The following PACRG variants were observed in gnomAD, a reference collection of about 807,000 sequenced individuals.
PACRG encodes parkin coregulated gene protein.
A neutral mutation model predicts 29.7 loss-of-function variants in PACRG; 29 were observed. That is an observed-to-expected ratio of 0.98 (90% CI 0.73 to 1.33). The LOEUF (loss-of-function observed/expected upper bound fraction) is 1.33. Among genes scored for constraint, PACRG ranks in the 40% most tolerant of loss-of-function variants. PACRG has a pLI of 0.00. For missense variants in PACRG, 279 were observed against 316.2 expected, an observed-to-expected ratio of 0.88 and a Z score of 0.89; for synonymous variants, 116 against 118.7, an observed-to-expected ratio of 0.98 and a Z score of 0.15.
At chr6:163,170,045 A>G (rs562516102) in intron 4 of PACRG, among the ~76,000 whole-genome samples, 53 of 152,176 alleles carry the variant, frequency 3.5e-4, no homozygotes, top group Admixed American at 2.7e-3. Flanking sequence ...TTTCACCCCA[A>G]TTACCTCAAA....
chr6:163,230,803 G>A (rs535105603), intron 4 of PACRG, among the ~76,000 whole-genome samples: 7 of 64,566 alleles, frequency 1.1e-4, no homozygotes, highest in Non-Finnish European at 2.2e-4. Flanking sequence ...AACCCGGAAG[G>A]TTATCAGAGC....
intron 4 of PACRG, among the ~76,000 whole-genome samples, chr6:163,299,385 T>A (rs1385207142): frequency 6.6e-6 from 1 of 152,148 alleles, no homozygotes; most frequent in East Asian, 1.9e-4. Context: ...CCAAGCCCCA[T>A]AGACGTGTCA....
intron 4 of PACRG, among the ~76,000 whole-genome samples, chr6:163,107,645 A>G (rs1815459033): frequency 6.6e-6 from 1 of 152,168 alleles, no homozygotes; most frequent in African/African-American, 2.4e-5. Flanking sequence ...TCTCTGCTTC[A>G]TGAGTTTCCA....
At chr6:162,916,914 G>T (rs1796735467) in intron 2 of PACRG, among the ~76,000 whole-genome samples, 1 of 152,032 alleles carries the variant, frequency 6.6e-6, no homozygotes. Context: ...TTAATGTGTG[G>T]CACTCCCAGC....
At chr6:163,133,898 A>G (rs1036467009) in intron 4 of PACRG, among the ~76,000 whole-genome samples, 5 of 152,236 alleles carry the variant, frequency 3.3e-5, no homozygotes, top group African/African-American at 1.2e-4. Flanking sequence ...AAACGTAAAC[A>G]TTTAAAACAG....
At chr6:163,191,358 C>A (rs550243679) in intron 4 of PACRG, among the ~76,000 whole-genome samples, 192 of 152,258 alleles carry the variant, frequency 1.3e-3, no homozygotes, top group Non-Finnish European at 2.0e-3. Flanking sequence ...GTGTCAAGTT[C>A]CAGTGTCCTC....
chr6:162,886,182 C>T (rs190653557), intron 2 of PACRG, among the ~76,000 whole-genome samples: 20 of 152,270 alleles, frequency 1.3e-4, no homozygotes, highest in Admixed American at 1.2e-3. Context: ...CTTGGCCTCC[C>T]AAAATGCTGT....
chr6:162,760,974 G>A (rs1038964277), intron 1 of PACRG, among the ~76,000 whole-genome samples: 2 of 152,204 alleles, frequency 1.3e-5, no homozygotes, highest in Non-Finnish European at 2.9e-5. Context: ...TGGTCTAACT[G>A]CCAGCACTTA....
intron 4 of PACRG, among the ~76,000 whole-genome samples, chr6:163,240,170 C>G (rs1172246024): frequency 6.6e-6 from 1 of 152,004 alleles, no homozygotes; most frequent in Non-Finnish European, 1.5e-5. Context: ...TCCCCGGGGC[C>G]GCACCTGTGC....
intron 2 of PACRG, among the ~76,000 whole-genome samples, chr6:162,938,381 C>A (rs1487623040): frequency 6.6e-6 from 1 of 152,172 alleles, no homozygotes; most frequent in African/African-American, 2.4e-5. Flanking sequence ...GTATCTTTTT[C>A]GTATAATGAC....
At chr6:163,037,388 T>A (rs1020390178) in intron 2 of PACRG, among the ~76,000 whole-genome samples, 1 of 152,242 alleles carries the variant, frequency 6.6e-6, no homozygotes, top group Non-Finnish European at 1.5e-5. Flanking sequence ...CACCTGGCCC[T>A]TGGCTGTGGG....
chr6:162,885,962 G>T (rs775257137), intron 2 of PACRG, among the ~76,000 whole-genome samples: 1 of 152,086 alleles, frequency 6.6e-6, no homozygotes, highest in Non-Finnish European at 1.5e-5. Flanking sequence ...TTGTTATTTG[G>T]TGGTCATTCT....
chr6:163,211,893 C>A (rs188029310), intron 4 of PACRG, among the ~76,000 whole-genome samples: 1 of 152,240 alleles, frequency 6.6e-6, no homozygotes, highest in Admixed American at 6.5e-5. Context: ...GAGCTGAGCA[C>A]GTGCAGTCAG....
chr6:162,891,044 G>T (rs1392167325), intron 2 of PACRG, among the ~76,000 whole-genome samples: 1 of 152,180 alleles, frequency 6.6e-6, no homozygotes, highest in Non-Finnish European at 1.5e-5. Context: ...AAAGCCTTGT[G>T]ATGCTCATAC....
intron 3 of PACRG, among the ~76,000 whole-genome samples, chr6:163,071,964 A>G (rs1418873644): frequency 6.6e-6 from 1 of 152,028 alleles, no homozygotes; most frequent in African/African-American, 2.4e-5. Context: ...AGAAAATCCC[A>G]GGACTCAATG....
chr6:163,195,574 G>A (rs1780414549), intron 4 of PACRG, among the ~76,000 whole-genome samples: 1 of 152,154 alleles, frequency 6.6e-6, no homozygotes, highest in Non-Finnish European at 1.5e-5. Flanking sequence ...TCCCAGAAGT[G>A]TGCTTTAAAG....
chr6:162,781,649 G>A (rs73601985), intron 1 of PACRG, among the ~76,000 whole-genome samples: 1 of 151,706 alleles, frequency 6.6e-6, no homozygotes, highest in African/African-American at 2.4e-5. Flanking sequence ...GTATATTGTT[G>A]TAAGGTTTTT....
chr6:162,923,012 G>T (rs1797173885), intron 2 of PACRG, among the ~76,000 whole-genome samples: 1 of 151,860 alleles, frequency 6.6e-6, no homozygotes, highest in Admixed American at 6.6e-5. Context: ...GTACTAATTT[G>T]CATTTCCCAC....
At chr6:162,937,865 G>T (rs1798346021) in intron 2 of PACRG, among the ~76,000 whole-genome samples, 1 of 151,760 alleles carries the variant, frequency 6.6e-6, no homozygotes, top group South Asian at 2.1e-4. Flanking sequence ...CCCTTGCTTA[G>T]TGCTTTGGGG....
Sources: allele counts gnomAD v4.1 joint callset (sites outside exome capture counted in the v4.1 genomes callset), GRCh38; gene constraint gnomAD v4.1.1; transcripts MANE v1.5; gene names NCBI Gene and HGNC (gene_info 2026-07-23, HGNC 2026-07-21).